The following NOL11 variants were observed in gnomAD, a reference collection of about 807,000 sequenced individuals.
NOL11 encodes the protein nucleolar protein 11.
NOL11 carries 42 observed loss-of-function variants against 93.0 expected under a neutral mutation model. That is an observed-to-expected ratio of 0.45 (90% confidence interval 0.35 to 0.58). NOL11 has a LOEUF of 0.58. Among genes scored for constraint, NOL11 ranks in the 20% least tolerant of loss-of-function variants. NOL11 has a pLI of 0.00. For synonymous variants in NOL11, 296 were observed against 293.7 expected (o/e 1.01, Z -0.08); for missense variants, 775 against 841.8 (o/e 0.92, Z 0.98).
rs201123173 is a variant in NOL11, at chr17:67,743,809, G to C, written c.2110G>C (p.Glu704Gln). 5.5e-5 allele frequency: 85 copies of C among 1,552,426 alleles called. No homozygotes were observed. The African/African-American group carries it at 1.0e-3, about 18-fold the overall frequency. ...TCGGGAGCTACAGAAATTAAATCAA[G>C]AAAAGAATAATAGAGGATTATATTC... is the stretch of plus-strand genomic sequence containing the variant. The part of the protein sequence containing the change: ...SFRELQKLNQ[E>Q]KNNRGLYSIE... The change falls in exon 18 of 18, where the codon GAA becomes CAA. Residue 704 changes from glutamate (E) to glutamine (Q), a missense_variant. This residue lies in a region of NOL11 where 416 missense variants were observed against 525.2 expected (regional missense o/e 0.79). Coordinates refer to ENST00000253247, the MANE Select transcript of NOL11 (RefSeq NM_015462.5).
Position 67,735,937 on chromosome 17 carries a change from G to GA in NOL11, c.972dup (p.Ser325IlefsTer10), listed in dbSNP as rs2055197844. 6.2e-7 allele frequency: 1 copy of GA among 1,611,886 alleles called. No homozygotes were observed. The highest frequency in any genetic ancestry group is 1.3e-5 in the African/African-American group (1 of 74,808). On this transcript the variant is annotated frameshift_variant, in exon 9 of 18. Coordinates refer to ENST00000253247, the MANE Select transcript of NOL11 (RefSeq NM_015462.5). LOFTEE classifies it high-confidence loss of function. ...GGAGAACATTTGTTTATGCTACATG[G>GA]AAAATCTCTAACTGTGATTCCATAC...
chr17:67,743,260 C>G (rs2055271464), intron 16 of NOL11: 1 of 331,108 alleles, frequency 3.0e-6, no homozygotes, highest in African/African-American at 2.2e-5. Flanking sequence ...ATAGCAAGAT[C>G]CCATCTCTAA....
chr17:67,721,409 T>G lies in NOL11; in HGVS notation c.344T>G (p.Val115Gly), dbSNP rs2291284. ...LSAEVYRILSVQGTEPLVLFK... is the reference protein window; with the variant it reads ...LSAEVYRILSGQGTEPLVLFK... ...GCAGAAGTATATAGGATACTTTCAG[T>G]GCAAGGGACAGAACCCTTGGTGCTC... Residue 115 changes from valine (V) to glycine (G), a missense_variant, in exon 4 of 18, where the codon GTG becomes GGG. By Grantham distance (109) the Val-to-Gly change is moderately radical (BLOSUM62 -3). Around this residue, in one of 2 missense-constraint regions of NOL11, gnomAD observed 359 missense variants for 316.5 expected, o/e 1.13. Transcript: ENST00000253247. 4 of 1,608,062 alleles carry G rather than the reference T, an allele frequency of 2.5e-6. No individual in the cohort carries two copies. The highest frequency in any genetic ancestry group is 2.2e-5 in the East Asian group (1 of 44,802).
chr17:67,737,778 G>A, intron 12 of NOL11, 69 bp from the exon 13 acceptor site: 1 of 1,582,382 alleles, frequency 6.3e-7, no homozygotes, highest in South Asian at 1.2e-5. Context: ...ACTCTCAAAA[G>A]GCTTATAAAT....
At chr17:67,737,393 G>A in intron 11 of NOL11, 115 bp from the exon 12 acceptor site, 1 of 863,062 alleles carries the variant, frequency 1.2e-6, no homozygotes, top group Non-Finnish European at 1.8e-6. Context: ...CTTCAGCTTT[G>A]CAGGAATGCA....
Position 67,738,321 on chromosome 17 carries a change from T to C in NOL11, c.1729T>C (p.Ser577Pro). 1 of 1,613,566 alleles carries C rather than the reference T, an allele frequency of 6.2e-7. No individual in the cohort carries two copies. The highest frequency in any genetic ancestry group is 1.3e-5 in the African/African-American group (1 of 74,926). ...CCAGGACGAAACAAAGGAGAGCACT[T>C]CATGCCCTGTGGTACAAAAAAGAGC... ...KPQDETKEST[S>P]CPVVQKRAAL... Residue 577 changes from serine to proline, a missense_variant, in exon 14 of 18, where the codon TCA becomes CCA. Coordinates refer to ENST00000253247, the MANE Select transcript of NOL11 (RefSeq NM_015462.5).
intron 3 of NOL11, chr17:67,720,571 G>A (rs905560979): frequency 4.6e-5 from 7 of 152,326 alleles, no homozygotes; most frequent in African/African-American, 1.7e-4. Flanking sequence ...AAAGTGCTGG[G>A]ATTACAGGCA....
intron 7 of NOL11, among the ~76,000 whole-genome samples, chr17:67,733,555 T>G (rs1214801525): frequency 6.6e-6 from 1 of 152,200 alleles, no homozygotes; most frequent in East Asian, 1.9e-4. Flanking sequence ...CAAGCACCTT[T>G]GTCTTTTTCC....
intron 10 of NOL11, 69 bp downstream of exon 10, chr17:67,736,823 T>A: frequency 8.7e-7 from 1 of 1,143,632 alleles, no homozygotes; most frequent in Non-Finnish European, 1.3e-6. Context: ...TGAATTATTT[T>A]AATGAATCAT....
Position 67,736,682 on chromosome 17 carries a change from C to A in NOL11, c.1071C>A (p.Ser357=), listed in dbSNP as rs767184475. The part of the protein sequence containing the change: ...HSQDPGTHVV[S]HFVNWETPQG... ...TTTTCTTAGGAACTCATGTCGTGTC[C>A]CATTTTGTAAACTGGGAGACACCTC... Residue 357 remains serine, a synonymous_variant, in exon 10 of 18, where the codon TCC becomes TCA. Transcript: ENST00000253247. 7.5e-6 allele frequency: 12 copies of A among 1,609,840 alleles called. No individual in the cohort carries two copies. The Admixed American group carries it at 2.0e-4, about 27-fold the overall frequency.
intron 8 of NOL11, 102 bp downstream of exon 8, chr17:67,734,541 C>G: frequency 1.4e-6 from 1 of 694,876 alleles, no homozygotes; most frequent in Non-Finnish European, 2.5e-6. Context: ...CCAGGCTGGT[C>G]TTTTACTCTT....
chr17:67,729,446 A>G (rs1015222216), intron 7 of NOL11, among the ~76,000 whole-genome samples: 3 of 151,526 alleles, frequency 2.0e-5, no homozygotes, highest in African/African-American at 4.8e-5. Context: ...CATTTTCATT[A>G]TGTCAAAAGG....
chr17:67,729,755 A>T (rs978562456), intron 7 of NOL11, among the ~76,000 whole-genome samples: 1 of 144,748 alleles, frequency 6.9e-6, no homozygotes, highest in African/African-American at 2.6e-5. Context: ...ATTTTTTTGT[A>T]TTTTTAGTAG....
chr17:67,720,348 C>T (rs1350181711), intron 3 of NOL11: 1 of 151,616 alleles, frequency 6.6e-6, no homozygotes, highest in Non-Finnish European at 1.4e-5. Context: ...GTCCCCCAGG[C>T]TGGAGTGGAA....
intron 1 of NOL11, among the ~76,000 whole-genome samples, chr17:67,718,417 C>T (rs988474577): frequency 3.9e-5 from 6 of 152,168 alleles, no homozygotes; most frequent in Non-Finnish European, 8.8e-5. Flanking sequence ...TCTTAGCCGC[C>T]CGCGGGAGGA....
At chr17:67,742,580 C>G (rs2055266391) in intron 16 of NOL11, among the ~76,000 whole-genome samples, 1 of 152,100 alleles carries the variant, frequency 6.6e-6, no homozygotes, top group South Asian at 2.1e-4. Flanking sequence ...CCTTCCCACT[C>G]TAAGATTATG....
In NOL11 at chr17:67,719,683, C is replaced by G. The variant is rs775805724; in HGVS notation, c.151C>G (p.Gln51Glu). 3.8e-6 allele frequency: 6 copies of G among 1,580,446 alleles called. No homozygotes were observed. The highest frequency in any genetic ancestry group is 5.2e-6 in the Non-Finnish European group (6 of 1,155,394). Residue 51 changes from glutamine to glutamate, a missense_variant, in exon 2 of 18, where the codon CAG (glutamine) becomes GAG (glutamate). Coordinates refer to ENST00000253247, the MANE Select transcript of NOL11 (RefSeq NM_015462.5). ...RTVILYKVSD[Q>E]KPLGSWSVKQ... ...ATCTTAATTTCATTAGGTTTCTGAT[C>G]AGAAACCCTTGGGGAGCTGGTCAGT...
intron 8 of NOL11, 33 bp downstream of exon 8, chr17:67,734,472 T>A (rs776430175): frequency 2.0e-5 from 27 of 1,344,980 alleles, no homozygotes; most frequent in Non-Finnish European, 2.3e-5. Context: ...TTTCTCTGAT[T>A]TAGTTATTTT....
chr17:67,740,884 A>T (rs1001061069), intron 16 of NOL11: 2 of 134,230 alleles, frequency 1.5e-5, no homozygotes, highest in African/African-American at 5.5e-5. Flanking sequence ...GCTATTCTTC[A>T]TATAAAAAAT....
Sources: gnomAD v4.1 joint callset for allele counts (sites outside exome capture counted in the v4.1 genomes callset) on GRCh38, gnomAD v4.1.1 for gene constraint, gnomAD v4.1.1 regional missense constraint, MANE v1.5 for transcripts, NCBI Gene and HGNC (gene_info 2026-07-23, HGNC 2026-07-21) for gene names.